ARB2A: variants seen among roughly 807,000 people sequenced by gnomAD.
ARB2A encodes cotranscriptional regulator ARB2A.
the ARB2A span, among the ~76,000 whole-genome samples, chr5:93,827,067 T>TAGA: frequency 6.6e-6 from 1 of 152,236 alleles, no homozygotes; most frequent in Non-Finnish European, 1.5e-5. Context: ...CAAGTGCATG[T>TAGA]GTCTTTATAG....
the ARB2A span, chr5:93,683,270 T>C: frequency 1.9e-6 from 3 of 1,594,196 alleles, no homozygotes; most frequent in South Asian, 3.3e-5. Context: ...CTGTGGAACC[T>C]TGCTACCACC....
chr5:93,918,004 T>G, the ARB2A span, among the ~76,000 whole-genome samples: 1 of 152,210 alleles, frequency 6.6e-6, no homozygotes, highest in Admixed American at 6.5e-5. Context: ...TGTCCTCTAT[T>G]CTTTCTTAAG....
chr5:93,853,661 G>A, the ARB2A span, among the ~76,000 whole-genome samples: 1 of 152,136 alleles, frequency 6.6e-6, no homozygotes, highest in Admixed American at 6.5e-5. Context: ...AGAGTTTTTA[G>A]CATGAAGGGT....
the ARB2A span, among the ~76,000 whole-genome samples, chr5:94,072,905 C>T: frequency 6.6e-6 from 1 of 152,100 alleles, no homozygotes; most frequent in East Asian, 1.9e-4. Context: ...ATTCAAACTA[C>T]TTTCTTCCAG....
the ARB2A span, among the ~76,000 whole-genome samples, chr5:93,695,184 C>A: frequency 1.3e-5 from 2 of 152,200 alleles, no homozygotes; most frequent in African/African-American, 4.8e-5. Context: ...TCAAAATTGA[C>A]AAATGGGATC....
chr5:93,827,400 A>G, the ARB2A span, among the ~76,000 whole-genome samples: 115 of 152,276 alleles, frequency 7.6e-4, 1 homozygote, highest in African/African-American at 2.6e-3. Context: ...TCTTCTTTTG[A>G]GAAGTGTCTG....
At chr5:94,109,576 A>T in the ARB2A span, among the ~76,000 whole-genome samples, 1 of 152,210 alleles carries the variant, frequency 6.6e-6, no homozygotes, top group South Asian at 2.1e-4. Flanking sequence ...AAAAAAATAA[A>T]CTGTAAATAA....
At chr5:93,921,664 T>C in the ARB2A span, among the ~76,000 whole-genome samples, 2 of 152,176 alleles carry the variant, frequency 1.3e-5, no homozygotes, top group Non-Finnish European at 2.9e-5. Context: ...CAGGAAGGCA[T>C]AGGCTAACTC....
At chr5:94,027,118 A>G in the ARB2A span, among the ~76,000 whole-genome samples, 1 of 152,204 alleles carries the variant, frequency 6.6e-6, no homozygotes, top group Non-Finnish European at 1.5e-5. Flanking sequence ...TTGAAACCCA[A>G]CATCCTTGGG....
chr5:93,981,508 T>C, the ARB2A span, among the ~76,000 whole-genome samples: 122 of 152,184 alleles, frequency 8.0e-4, no homozygotes, highest in African/African-American at 2.4e-3. Flanking sequence ...TAACTATTTT[T>C]AATCATTTAT....
chr5:93,723,508 G>A, the ARB2A span, among the ~76,000 whole-genome samples: 1 of 152,118 alleles, frequency 6.6e-6, no homozygotes, highest in South Asian at 2.1e-4. Flanking sequence ...TAAAAGCAAT[G>A]TGTGTTTGTG....
chr5:94,055,692 A>C, the ARB2A span: 7 of 985,306 alleles, frequency 7.1e-6, no homozygotes, highest in Non-Finnish European at 8.4e-6. Context: ...TAAAGACAGA[A>C]GGGTTTTAAT....
chr5:93,864,473 A>C, the ARB2A span, among the ~76,000 whole-genome samples: 3 of 152,148 alleles, frequency 2.0e-5, no homozygotes, highest in Non-Finnish European at 4.4e-5. Flanking sequence ...CTGGAAATTG[A>C]AGTATTTCAG....
At chr5:93,972,177 T>C in the ARB2A span, among the ~76,000 whole-genome samples, 1 of 152,000 alleles carries the variant, frequency 6.6e-6, no homozygotes, top group South Asian at 2.1e-4. Context: ...TTTTCATGCT[T>C]CTCCATTGCC....
the ARB2A span, among the ~76,000 whole-genome samples, chr5:93,638,988 A>G: frequency 6.6e-6 from 1 of 152,216 alleles, no homozygotes; most frequent in Non-Finnish European, 1.5e-5. Flanking sequence ...TAATTCTTAC[A>G]TCTTTATTTC....
At chr5:93,624,236 A>G in the ARB2A span, among the ~76,000 whole-genome samples, 1 of 152,212 alleles carries the variant, frequency 6.6e-6, no homozygotes, top group Non-Finnish European at 1.5e-5. Context: ...ATAAAATGCA[A>G]TGATGTAGAA....
chr5:93,716,948 T>C, the ARB2A span, among the ~76,000 whole-genome samples: 1 of 152,182 alleles, frequency 6.6e-6, no homozygotes, highest in Non-Finnish European at 1.5e-5. Context: ...TGATTCAATG[T>C]GCATAGTATA....
the ARB2A span, among the ~76,000 whole-genome samples, chr5:93,952,734 T>C: frequency 6.6e-6 from 1 of 152,206 alleles, no homozygotes; most frequent in African/African-American, 2.4e-5. Flanking sequence ...AAGTTCTCTG[T>C]TACTTTCCTT....
the ARB2A span, among the ~76,000 whole-genome samples, chr5:93,853,798 G>A: frequency 6.6e-6 from 1 of 152,168 alleles, no homozygotes; most frequent in Admixed American, 6.6e-5. Context: ...TTGCATCCCA[G>A]GGATGAAGCC....
Sources: allele counts gnomAD v4.1 joint callset (sites outside exome capture counted in the v4.1 genomes callset), GRCh38; gene constraint gnomAD v4.1.1; transcripts MANE v1.5; gene names NCBI Gene and HGNC (gene_info 2026-07-23, HGNC 2026-07-21).